Variants in POLI observed in about 807,000 individuals in gnomAD.
POLI encodes DNA polymerase iota, also known as RAD30 homolog B.
In POLI, 58 loss-of-function variants were observed where a neutral mutation model predicts 51.6. That is an observed-to-expected ratio of 1.12 (90% confidence interval 0.91 to 1.40). The LOEUF (loss-of-function observed/expected upper bound fraction) is 1.40. POLI is among the 40% of genes most tolerant of loss of function. The pLI, the probability that POLI is intolerant of heterozygous loss-of-function variation, is 0.00. For missense variants in POLI, 921 were observed against 871.3 expected (o/e 1.06, Z -0.72); for synonymous variants, 322 against 299.7 (o/e 1.07, Z -0.77).
Position 54,269,608 on chromosome 18 carries a change from C to T in POLI, c.62C>T (p.Ala21Val), listed in dbSNP as rs1301338376. ...EGGGDDDEEDAEAWAMELADV... is the reference protein window; with the variant it reads ...EGGGDDDEEDVEAWAMELADV... ...GGCGGCGACGACGACGAGGAAGACGCCGAGGCCTGGGCCATGGAACTGGCG... is the reference window on the plus strand; with the variant it reads ...GGCGGCGACGACGACGAGGAAGACGTCGAGGCCTGGGCCATGGAACTGGCG... The change falls in exon 1 of 10, where the codon GCC becomes GTC. Residue 21 changes from alanine to valine, a missense_variant. Coordinates refer to ENST00000579534, the MANE Select transcript of POLI (RefSeq NM_007195.3). The T allele has an allele frequency of 1.3e-6, 2 of 1,504,796 alleles. No individual in the cohort carries two copies. The highest frequency in any genetic ancestry group is 1.8e-6 in the Non-Finnish European group (2 of 1,130,934). 93.2% of individuals were successfully genotyped at this position (1,504,796 alleles called of 1,614,324 possible).
intron 3 of POLI, among the ~76,000 whole-genome samples, chr18:54,275,781 T>A (rs2087213941): frequency 6.6e-6 from 1 of 152,224 alleles, no homozygotes; most frequent in Non-Finnish European, 1.5e-5. Flanking sequence ...CATCTTTTTC[T>A]AAGTACTAAG....
chr18:54,294,542 A>C lies in POLI; in HGVS notation c.*75A>C, dbSNP rs892435357. 2 of 1,464,782 alleles carry C rather than the reference A, an allele frequency of 1.4e-6. No individual in the cohort carries two copies. The highest frequency in any genetic ancestry group is 2.7e-5 in the Admixed American group (1 of 37,642). The allele number at this position is 1,464,782 out of a possible 1,614,324, so 90.7% of individuals were successfully genotyped here. On this transcript the variant is annotated 3_prime_UTR_variant, in exon 10 of 10. Transcript: ENST00000579534. ...GATTAGCGGTTTATTAAGCTCTTCTATATTAAACACTAATAGATATTCAAT... is the reference window on the plus strand; with the variant it reads ...GATTAGCGGTTTATTAAGCTCTTCTCTATTAAACACTAATAGATATTCAAT...
chr18:54,313,409 T>G (rs1218989111), intron 3 of POLI, among the ~76,000 whole-genome samples: 2 of 152,178 alleles, frequency 1.3e-5, no homozygotes, highest in Non-Finnish European at 2.9e-5. Context: ...GCTTTGTTCT[T>G]TTTGCTTAGG....
Position 54,296,012 on chromosome 18 carries a change from G to A in POLI, c.*1545G>A, listed in dbSNP as rs985507739. Reference sequence around the variant, plus strand: ...AAGGATTGTAAATAGGTAGTTTGAGGTTATCAGGAACAGTAACTTGAAGCA... The same window carrying A: ...AAGGATTGTAAATAGGTAGTTTGAGATTATCAGGAACAGTAACTTGAAGCA... On this transcript the variant is annotated 3_prime_UTR_variant, in exon 10 of 10. Transcript: ENST00000579534. The A allele has an allele frequency of 2.0e-6, 2 of 984,828 alleles. No homozygotes were observed. The highest frequency in any genetic ancestry group is 2.3e-4 in the East Asian group (2 of 8,830). The allele number at this position is 984,828 out of a possible 1,614,324, so 61.0% of individuals were successfully genotyped here.
At chr18:54,318,260 C>G (rs2088758607) in intron 3 of POLI, among the ~76,000 whole-genome samples, 1 of 151,956 alleles carries the variant, frequency 6.6e-6, no homozygotes, top group South Asian at 2.1e-4. Context: ...TTAGTTTGAC[C>G]AAATACTGAT....
At chr18:54,283,703 T>TTAAC (rs1291207380) in intron 6 of POLI, 1 of 279,444 alleles carries the variant, frequency 3.6e-6, no homozygotes, top group East Asian at 6.2e-5. Flanking sequence ...CTGTTTTATA[T>TTAAC]TAACTGTTAA....
intron 1 of POLI, chr18:54,269,941 G>A (rs2086927031): frequency 6.8e-6 from 8 of 1,184,932 alleles, no homozygotes; most frequent in Middle Eastern, 3.4e-4. Context: ...GGTGGGGCGG[G>A]AATCCCTCAG....
intron 4 of POLI, among the ~76,000 whole-genome samples, chr18:54,280,307 C>T (rs1276815951): frequency 6.6e-6 from 1 of 152,156 alleles, no homozygotes; most frequent in African/African-American, 2.4e-5. Context: ...GTGCAGAGAT[C>T]ACATGGTGAG....
intron 8 of POLI, among the ~76,000 whole-genome samples, chr18:54,290,435 T>A (rs1312996859): frequency 1.3e-5 from 2 of 152,136 alleles, no homozygotes; most frequent in Non-Finnish European, 2.9e-5. Flanking sequence ...TCCTCAAGGA[T>A]CTAGAACTAG....
At position 54,280,832 on chromosome 18, in the gene POLI, A is replaced by G. The variant is rs1345835090; in HGVS notation, c.725A>G (p.Gln242Arg). Residue 242 changes from glutamine to arginine, a missense_variant, in exon 5 of 10, where the codon CAA becomes CGA. Transcript: ENST00000579534. ...KLVSGVFKPNQQTVLLPESCQ... is the reference protein window; with the variant it reads ...KLVSGVFKPNRQTVLLPESCQ... ...GTTTCTGGTGTCTTTAAACCAAATC[A>G]ACAAACAGTCTTATTACCTGAAAGT... The G allele has an allele frequency of 6.2e-7, 1 of 1,613,670 alleles. No individual in the cohort carries two copies. Among genetic ancestry groups the G allele is most frequent in the Non-Finnish European group, 8.5e-7 (1 of 1,179,604 alleles).
chr18:54,308,491 C>G (rs2088623948), intron 3 of POLI, among the ~76,000 whole-genome samples: 1 of 152,192 alleles, frequency 6.6e-6, no homozygotes, highest in African/African-American at 2.4e-5. Flanking sequence ...GTAACCCGAG[C>G]TTTCTCTCTG....
Position 54,292,044 on chromosome 18 carries a change from T to G in POLI, c.1404+6T>G. ...GCTCTGGCAAGCACAGTTTTGTAAG[T>G]ACACTCTTTTTTGTTCAGTTTTCTA... is the stretch of plus-strand genomic sequence containing the variant. On this transcript the variant is annotated splice_donor_region_variant and intron_variant, in intron 9 of 9. Transcript: ENST00000579534. 1 of 1,564,316 alleles carries G rather than the reference T, an allele frequency of 6.4e-7. No homozygotes were observed. Among genetic ancestry groups the G allele is most frequent in the African/African-American group, 1.4e-5 (1 of 73,344 alleles).
chr18:54,285,521 A>AGTGTGT (rs61280100), intron 7 of POLI, among the ~76,000 whole-genome samples: 3,072 of 144,736 alleles, frequency 0.021, 77 homozygotes, highest in African/African-American at 0.066. Flanking sequence ...AAATTACAGG[A>AGTGTGT]GTGTGTGTGT....
intron 6 of POLI, chr18:54,283,692 A>G (rs2087616953): frequency 4.0e-6 from 1 of 252,994 alleles, no homozygotes; most frequent in African/African-American, 2.2e-5. Flanking sequence ...TTTTATATTA[A>G]CTGTTTTATA....
At chr18:54,316,993 G>A (rs1180528556) in intron 3 of POLI, among the ~76,000 whole-genome samples, 4 of 152,078 alleles carry the variant, frequency 2.6e-5, no homozygotes, top group Admixed American at 1.3e-4. Context: ...CCAGCTTTTG[G>A]TTATACTATC....
At chr18:54,276,446 C>T (rs1311029673) in intron 3 of POLI, among the ~76,000 whole-genome samples, 3 of 152,188 alleles carry the variant, frequency 2.0e-5, no homozygotes. Flanking sequence ...ATTTAGTGAT[C>T]CACCAGCTTC....
Position 54,297,944 on chromosome 18 carries a change from G to C in POLI, c.*3477G>C, listed in dbSNP as rs899533611. ...TATACCTTCTGAAATTATGTCCTTA[G>C]AGCTGTAGATTTAGAACTGACATCT... On this transcript the variant is annotated 3_prime_UTR_variant, in exon 10 of 10. Coordinates refer to ENST00000579534, the MANE Select transcript of POLI (RefSeq NM_007195.3). The C allele has an allele frequency of 1.0e-6, 1 of 981,598 alleles. No individual in the cohort carries two copies. The highest frequency in any genetic ancestry group is 1.2e-6 in the Non-Finnish European group (1 of 826,626). 60.8% of individuals were successfully genotyped at this position (981,598 alleles called of 1,614,324 possible).
intron 5 of POLI, among the ~76,000 whole-genome samples, chr18:54,281,988 C>G (rs1228300735): frequency 3.3e-5 from 5 of 151,960 alleles, no homozygotes; most frequent in Non-Finnish European, 7.4e-5. Context: ...TAAAGTATGA[C>G]CGAATTTTAG....
intron 1 of POLI, chr18:54,270,342 T>G (rs1482530293): frequency 6.6e-6 from 1 of 152,332 alleles, no homozygotes; most frequent in East Asian, 1.9e-4. Flanking sequence ...ATTTTCAGAT[T>G]TTTTTAGATC....
Sources: allele counts gnomAD v4.1 joint callset (sites outside exome capture counted in the v4.1 genomes callset), GRCh38; gene constraint gnomAD v4.1.1; transcripts MANE v1.5; gene names NCBI Gene and HGNC (gene_info 2026-07-23, HGNC 2026-07-21).